Variants in TPH2 observed in about 807,000 individuals in gnomAD.
TPH2 encodes tryptophan 5-hydroxylase 2.
TPH2 carries 27 observed loss-of-function variants against 59.1 expected under a neutral mutation model. The ratio of observed to expected loss-of-function variants is 0.46; its 90% CI spans 0.34 to 0.63. The LOEUF (loss-of-function observed/expected upper bound fraction) is 0.63. Ranked by LOEUF, TPH2 falls within the 30% of genes least tolerant of loss-of-function variation. The pLI is 0.01. For missense variants in TPH2, 523 were observed against 588.3 expected, an observed-to-expected ratio of 0.89 and a Z score of 1.15; for synonymous variants, 220 against 210.5, an observed-to-expected ratio of 1.05 and a Z score of -0.39.
At chr12:71,940,153 A>G (rs1192625995) in intron 1 of TPH2, among the ~76,000 whole-genome samples, 2 of 152,226 alleles carry the variant, frequency 1.3e-5, no homozygotes, top group Non-Finnish European at 2.9e-5. Flanking sequence ...ATTAACTGCT[A>G]GAAGGAAAAC....
intron 8 of TPH2, among the ~76,000 whole-genome samples, chr12:72,002,182 T>C (rs2139228386): frequency 6.6e-6 from 1 of 152,260 alleles, no homozygotes; most frequent in East Asian, 1.9e-4. Context: ...TATACAACCA[T>C]GATTTGTCAA....
intron 1 of TPH2, among the ~76,000 whole-genome samples, chr12:71,940,519 AG>A (rs1871027773): frequency 6.6e-6 from 1 of 152,196 alleles, no homozygotes; most frequent in African/African-American, 2.4e-5. Context: ...AGGATGTAGT[AG>A]ATTGGTACGA....
intron 8 of TPH2, among the ~76,000 whole-genome samples, chr12:71,995,814 T>C (rs1310621426): frequency 6.6e-6 from 1 of 152,144 alleles, no homozygotes; most frequent in Non-Finnish European, 1.5e-5. Context: ...GATTTCTCAA[T>C]GAAATTTAAT....
intron 5 of TPH2, among the ~76,000 whole-genome samples, chr12:71,956,703 G>A (rs1210415314): frequency 6.6e-6 from 1 of 151,782 alleles, no homozygotes; most frequent in Non-Finnish European, 1.5e-5. Flanking sequence ...TTGACCTATC[G>A]GGCTCAGGTG....
chr12:72,031,014 C>T (rs1008238850), intron 9 of TPH2, among the ~76,000 whole-genome samples: 1 of 151,980 alleles, frequency 6.6e-6, no homozygotes, highest in African/African-American at 2.4e-5. Context: ...TTAAATAATA[C>T]CACAATCTCA....
chr12:72,001,175 G>T (rs936325979), intron 8 of TPH2, among the ~76,000 whole-genome samples: 9 of 152,302 alleles, frequency 5.9e-5, no homozygotes, highest in Middle Eastern at 3.4e-3. Flanking sequence ...AAGAGTTTTA[G>T]GTGATCCATT....
At chr12:71,961,624 C>G (rs771119115) in intron 5 of TPH2, 1 of 1,352,088 alleles carries the variant, frequency 7.4e-7, no homozygotes, top group Non-Finnish European at 9.8e-7. Context: ...TCTTTGAGCT[C>G]AAGCTCCTTG....
At position 71,986,715 on chromosome 12, in the gene TPH2, G is replaced by C. The variant is rs1236535948; in HGVS notation, c.941+7628G>C. ...CCCTGCACCCAGTTCTGTTTTCCTT[G>C]TGCGGAGCCCATAATCCAAAATTAG... On this transcript the variant is annotated intron_variant, in intron 7 of 10. Coordinates refer to ENST00000333850, the MANE Select transcript of TPH2 (RefSeq NM_173353.4). Among the ~76,000 whole-genome samples, 4 of 138,332 alleles carry C rather than the reference G, an allele frequency of 2.9e-5. No homozygotes were observed. The Admixed American group carries it at 3.1e-4, about 11-fold the overall frequency. 90.8% of individuals were successfully genotyped at this position (138,332 alleles called of 152,430 possible). A position where few individuals can be genotyped will look rare whatever the true frequency, so the allele number is the denominator to read the frequency against.
At chr12:71,943,075 C>A (rs976241810) in intron 2 of TPH2, among the ~76,000 whole-genome samples, 1 of 152,154 alleles carries the variant, frequency 6.6e-6, no homozygotes, top group African/African-American at 2.4e-5. Flanking sequence ...AAAAGCCCAA[C>A]GTGACACAAT....
intron 7 of TPH2, among the ~76,000 whole-genome samples, chr12:71,983,501 T>C (rs1872345511): frequency 6.6e-6 from 1 of 152,168 alleles, no homozygotes; most frequent in Admixed American, 6.5e-5. Context: ...GAGCGTCGCC[T>C]GGCATGTGTA....
intron 5 of TPH2, chr12:71,961,517 C>G (rs571571701): frequency 3.7e-6 from 5 of 1,350,688 alleles, no homozygotes; most frequent in Non-Finnish European, 4.9e-6. Flanking sequence ...CTGATTAAAT[C>G]TGTGACTCTT....
rs569229705 is a variant in TPH2 at position 72,020,942 on chromosome 12, C to CA, written c.1069-1450dup. Among the ~76,000 whole-genome samples the CA allele has an allele frequency of 8.0e-3, 1,214 of 152,174 alleles. 9 individuals carry two copies. Among genetic ancestry groups the CA allele is most frequent in the Non-Finnish European group, 0.013 (907 of 67,994 alleles). On this transcript the variant is annotated intron_variant, in intron 8 of 10. Coordinates refer to ENST00000333850, the MANE Select transcript of TPH2 (RefSeq NM_173353.4). The stretch of plus-strand genomic sequence containing the variant: ...TCAACTTCAGAGATCACCCTCACAT[C>CA]AAAAAAATATATAACCTTCCTGAAC...
intron 8 of TPH2, among the ~76,000 whole-genome samples, chr12:72,000,608 G>C (rs961399753): frequency 2.0e-5 from 3 of 152,142 alleles, no homozygotes; most frequent in Non-Finnish European, 4.4e-5. Flanking sequence ...GACAATAGGA[G>C]AGTATGTCTT....
intron 7 of TPH2, among the ~76,000 whole-genome samples, chr12:71,985,501 C>T (rs1027138244): frequency 1.3e-5 from 2 of 152,036 alleles, no homozygotes; most frequent in South Asian, 2.1e-4. Flanking sequence ...TGGGTTCAAG[C>T]GATTCTCCTG....
At chr12:71,959,888 C>T (rs1346476820) in intron 5 of TPH2, among the ~76,000 whole-genome samples, 1 of 152,140 alleles carries the variant, frequency 6.6e-6, no homozygotes. Context: ...GTAGGCTCTA[C>T]TGTGATGTGA....
At chr12:71,971,666 C>T (rs1871976625) in intron 5 of TPH2, among the ~76,000 whole-genome samples, 1 of 152,166 alleles carries the variant, frequency 6.6e-6, no homozygotes, top group South Asian at 2.1e-4. Context: ...GTGCCTCCTC[C>T]AGGAAGCTCT....
intron 5 of TPH2, chr12:71,965,066 C>T (rs1338809857): frequency 6.6e-6 from 1 of 152,180 alleles, no homozygotes; most frequent in Non-Finnish European, 1.5e-5. Flanking sequence ...CATTAGTTTG[C>T]TAAGGATAAT....
chr12:71,991,444 G>A (rs1466252373), intron 7 of TPH2, among the ~76,000 whole-genome samples: 2 of 152,220 alleles, frequency 1.3e-5, no homozygotes, highest in Admixed American at 6.5e-5. Flanking sequence ...TTTAGTTTCC[G>A]CTCACCTTGT....
At position 72,031,769 on chromosome 12, in the gene TPH2, A is replaced by G; in HGVS notation, c.*74A>G. 6.4e-7 allele frequency: 1 copy of G among 1,561,822 alleles called. No homozygotes were observed. Among genetic ancestry groups the G allele is most frequent in the Non-Finnish European group, 8.8e-7 (1 of 1,134,700 alleles). On this transcript the variant is annotated 3_prime_UTR_variant, in exon 11 of 11. Transcript: ENST00000333850. The stretch of plus-strand genomic sequence containing the variant: ...CAGTTCAGTCAATGTCATATAACGC[A>G]AATAACCTTCTGTGTCATGGCTTGG...
Sources: allele counts gnomAD v4.1 joint callset (sites outside exome capture counted in the v4.1 genomes callset), GRCh38; gene constraint gnomAD v4.1.1; transcripts MANE v1.5; gene names NCBI Gene and HGNC (gene_info 2026-07-23, HGNC 2026-07-21).